The following CLVS1 variants were observed in gnomAD, a reference collection of about 807,000 sequenced individuals.
CLVS1 encodes clavesin 1, also known as clavesin-1.
In CLVS1, 10 loss-of-function variants were observed where a neutral mutation model predicts 33.1. The observed-to-expected ratio is 0.30, with a 90% confidence interval of 0.19 to 0.51. The LOEUF (loss-of-function observed/expected upper bound fraction) is 0.51, where lower values mean the gene tolerates loss of function less well. CLVS1 is among the 20% of genes least tolerant of loss of function. CLVS1 has a pLI of 0.97. For missense variants in CLVS1, 343 were observed against 433.4 expected (o/e 0.79, Z 1.85); for synonymous variants, 163 against 166.1 (o/e 0.98, Z 0.14).
chr8:61,093,906 G>A (rs1047707760), intron 1 of CLVS1, among the ~76,000 whole-genome samples: 1 of 152,192 alleles, frequency 6.6e-6, no homozygotes, highest in African/African-American at 2.4e-5. Flanking sequence ...GGACAGACAG[G>A]CCAGTCTTTG....
intron 2 of CLVS1, among the ~76,000 whole-genome samples, chr8:61,177,366 A>G (rs1201003804): frequency 6.6e-6 from 1 of 152,218 alleles, no homozygotes; most frequent in Non-Finnish European, 1.5e-5. Context: ...AGGGGTGGCC[A>G]TAGTCTCCAT....
In CLVS1 at chr8:61,300,079, G is replaced by T. The variant is rs1391023626; in HGVS notation, c.252G>T (p.Lys84Asn). ...TCCTGAGATTTCTCCGAGCCAGGAAGTTTCACCAAGCGGATGCCTTTAGAC... is the reference window on the plus strand; with the variant it reads ...TCCTGAGATTTCTCCGAGCCAGGAATTTTCACCAAGCGGATGCCTTTAGAC... ...AFILRFLRAR[K>N]FHQADAFRLL... The change falls in exon 2 of 6, where the codon AAG becomes AAT. Residue 84 changes from lysine to asparagine, a missense_variant. This residue lies in a region of CLVS1 where 166 missense variants were observed against 244.0 expected (regional missense o/e 0.68). Coordinates refer to ENST00000325897, the MANE Select transcript of CLVS1 (RefSeq NM_173519.3). 1 of 1,614,010 alleles carries T rather than the reference G, an allele frequency of 6.2e-7. No individual in the cohort carries two copies. The highest frequency in any genetic ancestry group is 8.5e-7 in the Non-Finnish European group (1 of 1,179,972).
intron 2 of CLVS1, among the ~76,000 whole-genome samples, chr8:61,205,204 C>A (rs1481394206): frequency 1.3e-5 from 2 of 152,104 alleles, no homozygotes; most frequent in African/African-American, 4.8e-5. Flanking sequence ...GGCATTAAGT[C>A]CGTTCCCATT....
chr8:61,464,012 T>C (rs1315372278), intron 5 of CLVS1, among the ~76,000 whole-genome samples: 1 of 148,118 alleles, frequency 6.8e-6, no homozygotes, highest in Admixed American at 6.6e-5. Flanking sequence ...GGGTGGAGGT[T>C]GTAGCAATGA....
intron 2 of CLVS1, among the ~76,000 whole-genome samples, chr8:61,139,477 C>T (rs1806264242): frequency 6.6e-6 from 1 of 152,224 alleles, no homozygotes; most frequent in Non-Finnish European, 1.5e-5. Flanking sequence ...TGTCTGCGGG[C>T]AGGAGCCGGG....
At chr8:61,089,914 T>A (rs905874955) in intron 1 of CLVS1, among the ~76,000 whole-genome samples, 1 of 152,134 alleles carries the variant, frequency 6.6e-6, no homozygotes, top group African/African-American at 2.4e-5. Context: ...AGTGAGACCA[T>A]GTTTTGTTTT....
At chr8:61,433,369 C>T (rs1055254658) in intron 3 of CLVS1, among the ~76,000 whole-genome samples, 4 of 152,162 alleles carry the variant, frequency 2.6e-5, no homozygotes, top group Admixed American at 2.6e-4. Flanking sequence ...AGTAAATCTA[C>T]ATTTTACATA....
intron 2 of CLVS1, among the ~76,000 whole-genome samples, chr8:61,177,359 G>A (rs186519337): frequency 6.6e-6 from 1 of 152,194 alleles, no homozygotes; most frequent in African/African-American, 2.4e-5. Context: ...TAGCAGGAGG[G>A]GTGGCCATAG....
chr8:61,015,464 G>C, the CLVS1 span, among the ~76,000 whole-genome samples: 1 of 152,220 alleles, frequency 6.6e-6, no homozygotes, highest in African/African-American at 2.4e-5. Context: ...TGCTCAATGT[G>C]ACTTGCACAG....
At chr8:61,014,638 G>A in the CLVS1 span, among the ~76,000 whole-genome samples, 158 of 152,320 alleles carry the variant, frequency 1.0e-3, no homozygotes, top group Middle Eastern at 0.014. Flanking sequence ...AGAAAAAAGC[G>A]TGGGGCTTTT....
chr8:61,320,638 C>T (rs1023142087), intron 2 of CLVS1, among the ~76,000 whole-genome samples: 1 of 152,166 alleles, frequency 6.6e-6, no homozygotes. Context: ...CAGTGTCTGG[C>T]GAGGGCCTGT....
chr8:61,004,192 G>A, the CLVS1 span, among the ~76,000 whole-genome samples: 5 of 152,258 alleles, frequency 3.3e-5, no homozygotes, highest in Non-Finnish European at 2.9e-5. Flanking sequence ...AAAGTGCTTT[G>A]CACGTGGTAG....
At chr8:61,354,328 G>C (rs1812596812) in intron 2 of CLVS1, among the ~76,000 whole-genome samples, 2 of 151,892 alleles carry the variant, frequency 1.3e-5, no homozygotes, top group Non-Finnish European at 2.9e-5. Context: ...CTGTTGTTGA[G>C]GATATAAGGA....
chr8:61,385,587 A>G (rs1449749690), intron 3 of CLVS1, among the ~76,000 whole-genome samples: 1 of 152,268 alleles, frequency 6.6e-6, no homozygotes, highest in Non-Finnish European at 1.5e-5. Context: ...TTTACATAAC[A>G]GGACAATTCT....
At chr8:61,021,221 G>T in the CLVS1 span, among the ~76,000 whole-genome samples, 1 of 152,234 alleles carries the variant, frequency 6.6e-6, no homozygotes, top group Admixed American at 6.5e-5. Context: ...GCCAATGGAG[G>T]AGTCGGGCAC....
chr8:61,004,131 T>C, the CLVS1 span, among the ~76,000 whole-genome samples: 35 of 152,358 alleles, frequency 2.3e-4, no homozygotes, highest in African/African-American at 7.9e-4. Context: ...ATAAGGCTAA[T>C]AATGCCGACC....
chr8:61,137,719 G>C (rs901354301), intron 2 of CLVS1, among the ~76,000 whole-genome samples: 5 of 152,028 alleles, frequency 3.3e-5, no homozygotes, highest in Admixed American at 1.3e-4. Context: ...ACATAGCCAG[G>C]CTCGATGTTG....
intron 2 of CLVS1, among the ~76,000 whole-genome samples, chr8:61,233,837 C>T (rs1808497471): frequency 6.6e-6 from 1 of 152,242 alleles, no homozygotes; most frequent in South Asian, 2.1e-4. Flanking sequence ...GGTGAATCAG[C>T]ACGTGGGCTG....
upstream of CLVS1, among the ~76,000 whole-genome samples, chr8:61,053,819 A>G (rs1804426634): frequency 6.6e-6 from 1 of 152,140 alleles, no homozygotes; most frequent in South Asian, 2.1e-4. Context: ...TGGAGTTGCT[A>G]AGTGTTAGGA....
Sources: allele counts gnomAD v4.1 joint callset (sites outside exome capture counted in the v4.1 genomes callset), GRCh38; gene constraint gnomAD v4.1.1; regional missense constraint gnomAD v4.1.1; transcripts MANE v1.5; gene names NCBI Gene and HGNC (gene_info 2026-07-23, HGNC 2026-07-21).